FMNL3: variants seen among roughly 807,000 people sequenced by gnomAD.
FMNL3 encodes the protein formin like 3, also known as formin-like protein 3.
Under a neutral mutation model 119.6 loss-of-function variants are expected in FMNL3, and 57 were observed. The observed-to-expected ratio is 0.48, with a 90% CI of 0.39 to 0.59. The LOEUF is 0.59. Ranked by LOEUF, FMNL3 falls within the 20% of genes least tolerant of loss-of-function variation. The probability of loss-of-function intolerance (pLI) is 0.00; values close to 1 mark genes in which losing one functional copy is unlikely to be tolerated. For missense variants in FMNL3, 1,053 were observed against 1,323.5 expected (o/e 0.80, Z 3.17); for synonymous variants, 491 against 507.3 (o/e 0.97, Z 0.43).
intron 1 of FMNL3, among the ~76,000 whole-genome samples, chr12:49,698,573 C>A (rs2139041931): frequency 6.7e-6 from 1 of 149,832 alleles, no homozygotes; most frequent in African/African-American, 2.4e-5. Context: ...AACACACAAA[C>A]CCCAACCCAC....
At position 49,641,029 on chromosome 12, in the gene FMNL3, G is replaced by A. The variant is rs1472248815; in HGVS notation, c.*4786C>T. 6.6e-6 allele frequency: 1 copy of A among 152,304 alleles called. No homozygotes were observed. Among genetic ancestry groups the A allele is most frequent in the Non-Finnish European group, 1.5e-5 (1 of 68,082 alleles). The allele number at this position is 152,304 out of a possible 1,614,324, so 9.4% of individuals were successfully genotyped here. A position where few individuals can be genotyped will look rare whatever the true frequency, so the allele number is the denominator to read the frequency against. On this transcript the variant is annotated 3_prime_UTR_variant, in exon 26 of 26. Coordinates refer to ENST00000335154, the MANE Select transcript of FMNL3 (RefSeq NM_175736.5). Reference sequence around the variant, plus strand: ...AAAGGCCAGAGGAGGTGAGAGCTATGTGGAGGGAGAGAAAGGGAATCTGGC... The same window carrying A: ...AAAGGCCAGAGGAGGTGAGAGCTATATGGAGGGAGAGAAAGGGAATCTGGC...
intron 1 of FMNL3, among the ~76,000 whole-genome samples, chr12:49,687,512 T>C (rs1565892646): frequency 6.6e-6 from 1 of 152,202 alleles, no homozygotes; most frequent in Non-Finnish European, 1.5e-5. Flanking sequence ...CCACCACACC[T>C]GGCTATAACC....
At chr12:49,688,709 A>G (rs76839808) in intron 1 of FMNL3, 3,917 of 333,032 alleles carry the variant, frequency 0.012, 146 homozygotes, top group African/African-American at 0.078. Flanking sequence ...CAGTAGTGGT[A>G]GTACAGATAG....
chr12:49,690,948 T>C (rs1378236750), intron 1 of FMNL3, among the ~76,000 whole-genome samples: 4 of 151,992 alleles, frequency 2.6e-5, no homozygotes, highest in Non-Finnish European at 5.9e-5. Flanking sequence ...GAGGGTGAGG[T>C]GGGAGGATCA....
chr12:49,705,366 T>C (rs1345240402), intron 1 of FMNL3, among the ~76,000 whole-genome samples: 1 of 152,168 alleles, frequency 6.6e-6, no homozygotes, highest in African/African-American at 2.4e-5. Context: ...AGCCATTAGT[T>C]TGCTAACTAA....
chr12:49,692,888 A>G (rs1944643601), intron 1 of FMNL3, among the ~76,000 whole-genome samples: 1 of 152,234 alleles, frequency 6.6e-6, no homozygotes, highest in Non-Finnish European at 1.5e-5. Context: ...ATTGAGACCT[A>G]AAGTATAAAC....
intron 1 of FMNL3, among the ~76,000 whole-genome samples, chr12:49,679,772 T>C (rs565181601): frequency 6.6e-6 from 1 of 152,296 alleles, no homozygotes; most frequent in African/African-American, 2.4e-5. Context: ...CCACCCACTT[T>C]GACTTCCCAA....
chr12:49,656,637 T>TG, intron 8 of FMNL3, 140 bp from the exon 9 acceptor site: 1 of 910,206 alleles, frequency 1.1e-6, no homozygotes, highest in African/African-American at 1.7e-5. Context: ...AAAGAGGGCT[T>TG]GCTCCCTTAC....
At chr12:49,673,763 C>A (rs968198691) in intron 1 of FMNL3, among the ~76,000 whole-genome samples, 1 of 152,280 alleles carries the variant, frequency 6.6e-6, no homozygotes, top group Non-Finnish European at 1.5e-5. Flanking sequence ...CCCAGCCCGC[C>A]CAGACGGCAG....
rs1425645190 is a variant in FMNL3, at chr12:49,643,738, A to G, written c.*2077T>C. 6.2e-7 allele frequency: 1 copy of G among 1,614,158 alleles called. No homozygotes were observed. Among genetic ancestry groups the G allele is most frequent in the South Asian group, 1.1e-5 (1 of 91,068 alleles). ...GAAACCAAAAAAGAAAACTAAGAAG[A>G]GAAGACACAAGTCGGTGAGTGAAGG... On this transcript the variant is annotated 3_prime_UTR_variant, in exon 26 of 26. Transcript: ENST00000335154.
chr12:49,643,367 G>A lies in FMNL3; in HGVS notation c.*2448C>T. ...TGGGGGTGCTGCCCTTGGAGGACGG[G>A]GCTCCCCTTCCTCCCATCTTCTTGG... On this transcript the variant is annotated 3_prime_UTR_variant, in exon 26 of 26. Coordinates refer to ENST00000335154, the MANE Select transcript of FMNL3 (RefSeq NM_175736.5). 5 of 1,579,630 alleles carry A rather than the reference G, an allele frequency of 3.2e-6. No individual in the cohort carries two copies. The highest frequency in any genetic ancestry group is 4.3e-6 in the Non-Finnish European group (5 of 1,163,926).
At position 49,707,177 on chromosome 12, in the gene FMNL3, C is replaced by T. The variant is rs1263747342; in HGVS notation, c.4G>A (p.Gly2Ser). 6.4e-7 allele frequency: 1 copy of T among 1,554,438 alleles called. No individual in the cohort carries two copies. The highest frequency in any genetic ancestry group is 1.2e-5 in the South Asian group (1 of 83,542). Residue 2 changes from glycine to serine, a missense_variant, in exon 1 of 26, where the codon GGC (glycine) becomes AGC (serine). Around this residue, in one of 4 missense-constraint regions of FMNL3, gnomAD observed 264 missense variants for 265.5 expected, o/e 0.99. Coordinates refer to ENST00000335154, the MANE Select transcript of FMNL3 (RefSeq NM_175736.5). M[G>S]NLESAEGVPG... ...ACCCCCTCGGCGCTCTCCAGGTTGC[C>T]CATCGCGGCGGGGCCCCCTCAGGGG... is the stretch of plus-strand genomic sequence containing the variant.
At chr12:49,689,642 GGAGTTGGA>G (rs1944552445) in intron 1 of FMNL3, among the ~76,000 whole-genome samples, 1 of 152,182 alleles carries the variant, frequency 6.6e-6, no homozygotes, top group Admixed American at 6.5e-5. Context: ...CTTGAGCCTA[GGAGTTGGA>G]GGCTACAGTA....
rs1271688888 is a variant in FMNL3, at chr12:49,644,249, C to G, written c.*1566G>C. The G allele has an allele frequency of 6.3e-7, 1 of 1,584,250 alleles. No individual in the cohort carries two copies. The highest frequency in any genetic ancestry group is 1.3e-5 in the African/African-American group (1 of 74,408). Reference sequence around the variant, plus strand: ...GTGAGGCCATGGCTCCTGGGCCACCCTCACCGTCTGCCTCAGACTTCTTCC... The same window carrying G: ...GTGAGGCCATGGCTCCTGGGCCACCGTCACCGTCTGCCTCAGACTTCTTCC... On this transcript the variant is annotated 3_prime_UTR_variant, in exon 26 of 26. Transcript: ENST00000335154.
In FMNL3 at chr12:49,648,270, T is replaced by G; in HGVS notation, c.2599A>C (p.Asn867His). ...LIRRECSIHD[N>H]SVLRNFLSTN... The stretch of plus-strand genomic sequence containing the variant: ...CTGAGGAAGTTCCGGAGGACGCTGT[T>G]GTCATGGATGCTGCACTCACGCCGA... The change falls in exon 22 of 26, where the codon AAC becomes CAC. Residue 867 changes from asparagine to histidine, a missense_variant. Transcript: ENST00000335154. 1 of 1,614,066 alleles carries G rather than the reference T, an allele frequency of 6.2e-7. No individual in the cohort carries two copies.
chr12:49,647,378 A>G lies in FMNL3; in HGVS notation c.2779-10T>C, dbSNP rs2138703705. On this transcript the variant is annotated splice_polypyrimidine_tract_variant and intron_variant, in intron 23 of 25. Coordinates refer to ENST00000335154, the MANE Select transcript of FMNL3 (RefSeq NM_175736.5). This position sits in a 1 kb window ranked among gnomAD's most constrained non-coding sequence, Gnocchi z 4.9. ...TCTCTTGTTCTGCTTCCTAAGAGCC[A>G]TGGAAGATGGGGGGTGGGGAGTGAG... is the stretch of plus-strand genomic sequence containing the variant. 2 of 1,610,446 alleles carry G rather than the reference A, an allele frequency of 1.2e-6. No individual in the cohort carries two copies. Among genetic ancestry groups the G allele is most frequent in the Non-Finnish European group, 8.5e-7 (1 of 1,179,670 alleles).
rs535964869 is a variant in FMNL3 at position 49,636,888 on chromosome 12, G to A, written c.*8927C>T. Reference sequence around the variant, plus strand: ...CCTTTCTAGATCAGAGCTCAGCTCTGCCCTAGAGCACAACCTCTTCACCCA... The same window carrying A: ...CCTTTCTAGATCAGAGCTCAGCTCTACCCTAGAGCACAACCTCTTCACCCA... On this transcript the variant is annotated 3_prime_UTR_variant, in exon 26 of 26. Coordinates refer to ENST00000335154, the MANE Select transcript of FMNL3 (RefSeq NM_175736.5). 6.2e-7 allele frequency: 1 copy of A among 1,611,552 alleles called. No homozygotes were observed. The highest frequency in any genetic ancestry group is 1.3e-5 in the African/African-American group (1 of 74,844).
At chr12:49,662,129 A>G in intron 4 of FMNL3, 80 bp from the exon 5 acceptor site, 4 of 1,295,820 alleles carry the variant, frequency 3.1e-6, no homozygotes, top group Admixed American at 1.7e-5. Context: ...CTCTGACCCA[A>G]CACCTCCTCC....
Position 49,638,027 on chromosome 12 carries a change from T to C in FMNL3, c.*7788A>G, listed in dbSNP as rs966524130. 5.3e-6 allele frequency: 3 copies of C among 569,932 alleles called. No individual in the cohort carries two copies. Among genetic ancestry groups the C allele is most frequent in the South Asian group, 4.4e-5 (2 of 45,358 alleles). 35.3% of individuals were successfully genotyped at this position (569,932 alleles called of 1,614,324 possible). On this transcript the variant is annotated 3_prime_UTR_variant, in exon 26 of 26. Transcript: ENST00000335154. ...GAGCTCATGGTCTAATAGGAAGATA[T>C]ACATGAGAACTGTTATACAAAGGGG... is the stretch of plus-strand genomic sequence containing the variant.
Sources: allele counts gnomAD v4.1 joint callset (sites outside exome capture counted in the v4.1 genomes callset), GRCh38; gene constraint gnomAD v4.1.1; regional missense constraint gnomAD v4.1.1; non-coding constraint Gnocchi (gnomAD v3.1); transcripts MANE v1.5; gene names NCBI Gene and HGNC (gene_info 2026-07-23, HGNC 2026-07-21).